The following TLK1 variants were observed in gnomAD, a reference collection of about 807,000 sequenced individuals.
TLK1 encodes the protein tousled like kinase 1.
A neutral mutation model predicts 105.3 loss-of-function variants in TLK1; 24 were observed. That is an observed-to-expected ratio of 0.23 (90% CI 0.17 to 0.32). The LOEUF is 0.32. Among genes scored for constraint, TLK1 ranks in the 10% least tolerant of loss-of-function variants. TLK1 has a pLI of 1.00. For missense variants in TLK1, 558 were observed against 910.5 expected, an observed-to-expected ratio of 0.61 and a Z score of 4.98; for synonymous variants, 321 against 310.4, an observed-to-expected ratio of 1.03 and a Z score of -0.36.
At chr2:171,081,905 T>G (rs1156621780) in intron 3 of TLK1, among the ~76,000 whole-genome samples, 2 of 152,124 alleles carry the variant, frequency 1.3e-5, no homozygotes. Context: ...AGTTTCTGAG[T>G]GCTAATGAAC....
At chr2:171,209,538 T>C (rs1006764791) in intron 1 of TLK1, among the ~76,000 whole-genome samples, 3 of 152,242 alleles carry the variant, frequency 2.0e-5, no homozygotes, top group Non-Finnish European at 4.4e-5. Flanking sequence ...ATTTCTTTAG[T>C]ATAGTTTACA....
At chr2:171,130,122 G>A (rs1026165876) in intron 1 of TLK1, among the ~76,000 whole-genome samples, 5 of 152,154 alleles carry the variant, frequency 3.3e-5, no homozygotes, top group Non-Finnish European at 5.9e-5. Context: ...TGGTAATAAC[G>A]GCTGGGTACA....
intron 12 of TLK1, among the ~76,000 whole-genome samples, chr2:171,024,690 T>G (rs1330778208): frequency 6.6e-6 from 1 of 152,212 alleles, no homozygotes. Flanking sequence ...AGTTTTGGCT[T>G]TGTCACTTAC....
chr2:171,025,734 G>C (rs1381672552), intron 12 of TLK1, among the ~76,000 whole-genome samples: 1 of 152,154 alleles, frequency 6.6e-6, no homozygotes, highest in African/African-American at 2.4e-5. Context: ...TTAGAAAACA[G>C]AATGACCTAT....
At chr2:171,081,613 G>T in intron 3 of TLK1, 1 of 1,286,454 alleles carries the variant, frequency 7.8e-7, no homozygotes, top group Non-Finnish European at 1.0e-6. Flanking sequence ...CTGATAATCT[G>T]ATGCTACAGG....
rs556897208 is a variant in TLK1, at chr2:171,007,960, G to C, written c.1417-897C>G. On this transcript the variant is annotated intron_variant, in intron 14 of 20. Transcript: ENST00000431350. Reference sequence around the variant, plus strand: ...GACTTATGTTTTTTTAAAAAGCAATGAATACCATTAAAGAGACATTTAATA... The same window carrying C: ...GACTTATGTTTTTTTAAAAAGCAATCAATACCATTAAAGAGACATTTAATA... Among the ~76,000 whole-genome samples the C allele has an allele frequency of 2.0e-5, 3 of 152,122 alleles. No individual in the cohort carries two copies. The South Asian group carries it at 6.2e-4, about 32-fold the overall frequency.
chr2:171,185,138 C>G (rs1283225528), intron 1 of TLK1, among the ~76,000 whole-genome samples: 1 of 152,166 alleles, frequency 6.6e-6, no homozygotes, highest in Non-Finnish European at 1.5e-5. Flanking sequence ...CGAGCCCGGC[C>G]TATAACTATG....
At position 171,061,172 on chromosome 2, in the gene TLK1, T is replaced by C. The variant is rs759522792; in HGVS notation, c.331-16A>G. On this transcript the variant is annotated splice_polypyrimidine_tract_variant and intron_variant, in intron 3 of 20. Transcript: ENST00000431350. ...TCTCCGGTGTCTACAGAAAACAAGATAACAGATTTTTAAATGACAGTTTTA... is the reference window on the plus strand; with the variant it reads ...TCTCCGGTGTCTACAGAAAACAAGACAACAGATTTTTAAATGACAGTTTTA... 5 of 1,611,270 alleles carry C rather than the reference T, an allele frequency of 3.1e-6. No homozygotes were observed. Among genetic ancestry groups the C allele is most frequent in the South Asian group, 2.2e-5 (2 of 90,550 alleles).
chr2:171,117,875 T>C lies in TLK1; in HGVS notation c.140-18A>G. ...CATTGCACCTATTAAGAAAAAAAAA[T>C]ATATATGTACACATATATATGTGTG... On this transcript the variant is annotated intron_variant, in intron 1 of 20. Transcript: ENST00000431350. 4 of 1,501,514 alleles carry C rather than the reference T, an allele frequency of 2.7e-6. No homozygotes were observed. Among genetic ancestry groups the C allele is most frequent in the Non-Finnish European group, 2.8e-6 (3 of 1,085,946 alleles). 93.0% of individuals were successfully genotyped at this position (1,501,514 alleles called of 1,614,324 possible). A position where few individuals can be genotyped will look rare whatever the true frequency, so the allele number is the denominator to read the frequency against.
intron 3 of TLK1, among the ~76,000 whole-genome samples, chr2:171,068,657 T>G (rs1025099650): frequency 6.6e-6 from 1 of 152,190 alleles, no homozygotes; most frequent in African/African-American, 2.4e-5. Flanking sequence ...AGTGATGTTA[T>G]GTATCATCAG....
intron 1 of TLK1, among the ~76,000 whole-genome samples, chr2:171,178,724 C>T (rs185019952): frequency 4.9e-4 from 74 of 152,270 alleles, no homozygotes; most frequent in African/African-American, 1.6e-3. Flanking sequence ...AACAAAGCTG[C>T]TGTAATATAT....
intron 20 of TLK1, among the ~76,000 whole-genome samples, chr2:170,995,475 G>T (rs1684011296): frequency 6.6e-6 from 1 of 151,914 alleles, no homozygotes; most frequent in African/African-American, 2.4e-5. Flanking sequence ...AGAGAACCAG[G>T]AATGGCTAAA....
intron 3 of TLK1, among the ~76,000 whole-genome samples, chr2:171,076,665 C>T (rs13428121): frequency 1.1e-3 from 170 of 150,508 alleles, no homozygotes; most frequent in Non-Finnish European, 2.1e-3. Flanking sequence ...TTTGGGAGGC[C>T]GAGGCGGGCG....
chr2:171,013,318 CTTTTTTTTTTTT>C (rs774923512), intron 13 of TLK1, among the ~76,000 whole-genome samples: 12 of 74,152 alleles, frequency 1.6e-4, no homozygotes, highest in Admixed American at 4.2e-4. Context: ...TGGCCCCTCA[CTTTTTTTTTTTT>C]TTTTTTTTTT....
At chr2:171,004,187 T>C (rs548030355) in intron 18 of TLK1, among the ~76,000 whole-genome samples, 13 of 152,256 alleles carry the variant, frequency 8.5e-5, no homozygotes, top group African/African-American at 2.4e-4. Context: ...GGTCTCGAAC[T>C]CCTGACCTCA....
intron 2 of TLK1, among the ~76,000 whole-genome samples, chr2:171,109,435 G>C (rs913349860): frequency 1.3e-5 from 2 of 152,150 alleles, no homozygotes; most frequent in Non-Finnish European, 2.9e-5. Context: ...AGTTACAGCA[G>C]TTCCTGGAGG....
chr2:171,193,347 C>G (rs1272128246), intron 1 of TLK1, among the ~76,000 whole-genome samples: 3 of 151,882 alleles, frequency 2.0e-5, no homozygotes, highest in Non-Finnish European at 1.5e-5. Flanking sequence ...AAATATGTCT[C>G]CATAGTGACT....
intron 12 of TLK1, among the ~76,000 whole-genome samples, chr2:171,016,373 ATC>A (rs1006943762): frequency 6.6e-6 from 1 of 152,100 alleles, no homozygotes; most frequent in Non-Finnish European, 1.5e-5. Context: ...AGCTCAACGG[ATC>A]CTCCTGCTTC....
intron 1 of TLK1, among the ~76,000 whole-genome samples, chr2:171,131,552 G>C (rs1691107162): frequency 6.6e-6 from 1 of 152,076 alleles, no homozygotes; most frequent in Admixed American, 6.6e-5. Flanking sequence ...CTTATACCAA[G>C]ACTTCTTTCA....
Sources: allele counts gnomAD v4.1 joint callset (sites outside exome capture counted in the v4.1 genomes callset), GRCh38; gene constraint gnomAD v4.1.1; transcripts MANE v1.5; gene names NCBI Gene and HGNC (gene_info 2026-07-23, HGNC 2026-07-21).